Variants in SDK1 observed in about 807,000 individuals in gnomAD.
SDK1 encodes the protein sidekick cell adhesion molecule 1.
Under a neutral mutation model 245.5 loss-of-function variants are expected in SDK1, and 157 were observed. The observed-to-expected ratio is 0.64, with a 90% CI of 0.56 to 0.73. SDK1 has a LOEUF of 0.73. Ranked by LOEUF, SDK1 falls within the 30% of genes least tolerant of loss-of-function variation. The pLI is 0.00. For missense variants in SDK1, 3,583 were observed against 3,002.3 expected (o/e 1.19, Z -4.52); for synonymous variants, 1,647 against 1,278.5 (o/e 1.29, Z -6.15).
chr7:4,094,963 G>A (rs1180411925), intron 22 of SDK1, among the ~76,000 whole-genome samples: 3 of 152,230 alleles, frequency 2.0e-5, no homozygotes, highest in East Asian at 1.9e-4. Flanking sequence ...ATCTGTGATC[G>A]GTTAAGGAGG....
intron 1 of SDK1, among the ~76,000 whole-genome samples, chr7:3,480,232 C>T (rs1781471955): frequency 6.6e-6 from 1 of 152,130 alleles, no homozygotes; most frequent in Non-Finnish European, 1.5e-5. Flanking sequence ...TTCAGCAGGT[C>T]ATTGCTGGCT....
intron 32 of SDK1, 128 bp downstream of exon 32, chr7:4,161,984 G>A: frequency 1.3e-6 from 1 of 761,746 alleles, no homozygotes; most frequent in Non-Finnish European, 2.2e-6. Context: ...GAACCAAGGA[G>A]ACACACCCTC....
rs568663409 is a variant in SDK1 at position 3,769,520 on chromosome 7, C to T, written c.714-51930C>T. Among the ~76,000 whole-genome samples, 3 of 152,218 alleles carry T rather than the reference C, an allele frequency of 2.0e-5. No homozygotes were observed. The South Asian group carries it at 6.2e-4, about 32-fold the overall frequency. On this transcript the variant is annotated intron_variant, in intron 4 of 44. Coordinates refer to ENST00000404826, the MANE Select transcript of SDK1 (RefSeq NM_152744.4). ...TCAGAGTCCTTATGATCCAATTGCCCCTAAGCTCCCATCTCTCAATACTAT... is the reference window on the plus strand; with the variant it reads ...TCAGAGTCCTTATGATCCAATTGCCTCTAAGCTCCCATCTCTCAATACTAT...
Position 4,161,835 on chromosome 7 carries a change from C to T in SDK1, c.4779C>T (p.Ser1593=). The T allele has an allele frequency of 6.2e-7, 1 of 1,614,130 alleles. No individual in the cohort carries two copies. Among genetic ancestry groups the T allele is most frequent in the Non-Finnish European group, 8.5e-7 (1 of 1,179,972 alleles). Residue 1593 remains serine, a synonymous_variant, in exon 32 of 45, where the codon TCC becomes TCT. Coordinates refer to ENST00000404826, the MANE Select transcript of SDK1 (RefSeq NM_152744.4). ...TCTCAGCGACGCCACACACCACGTCCTCTGTCCTGATACAGTGGCAGGTAA... is the reference window on the plus strand; with the variant it reads ...TCTCAGCGACGCCACACACCACGTCTTCTGTCCTGATACAGTGGCAGGTAA... ...GSVSATPHTT[S]SVLIQWQPPR...
chr7:3,380,272 G>A (rs980531455), intron 1 of SDK1, among the ~76,000 whole-genome samples: 2 of 152,184 alleles, frequency 1.3e-5, no homozygotes, highest in Non-Finnish European at 2.9e-5. Flanking sequence ...CCTGTGATTG[G>A]TGACAAAGCT....
chr7:3,983,754 G>A (rs1229431186), intron 13 of SDK1, among the ~76,000 whole-genome samples: 12 of 152,198 alleles, frequency 7.9e-5, no homozygotes, highest in Admixed American at 7.9e-4. Flanking sequence ...TTCACAGAGG[G>A]GAGAGACTGA....
chr7:3,836,500 G>A (rs1436859559), intron 5 of SDK1, among the ~76,000 whole-genome samples: 1 of 152,206 alleles, frequency 6.6e-6, no homozygotes, highest in East Asian at 1.9e-4. Flanking sequence ...AGGCAGACTG[G>A]TTTCTACTAT....
chr7:3,978,197 A>G (rs1783120884), intron 13 of SDK1, among the ~76,000 whole-genome samples: 1 of 152,048 alleles, frequency 6.6e-6, no homozygotes, highest in African/African-American at 2.4e-5. Flanking sequence ...TAGATCATCC[A>G]TCGTTGGTAT....
At chr7:3,877,096 A>G (rs2115143090) in intron 5 of SDK1, among the ~76,000 whole-genome samples, 1 of 152,292 alleles carries the variant, frequency 6.6e-6, no homozygotes, top group South Asian at 2.1e-4. Flanking sequence ...TAGCTTCAGA[A>G]CCAGAGAGGC....
chr7:3,738,091 C>T (rs1264892849), intron 4 of SDK1, among the ~76,000 whole-genome samples: 1 of 152,226 alleles, frequency 6.6e-6, no homozygotes, highest in Non-Finnish European at 1.5e-5. Flanking sequence ...TGTTGCCTGT[C>T]CTTTTCTTGT....
At chr7:3,519,970 TTTTA>T (rs1284365227) in intron 1 of SDK1, among the ~76,000 whole-genome samples, 2 of 152,174 alleles carry the variant, frequency 1.3e-5, no homozygotes, top group African/African-American at 4.8e-5. Context: ...TTAGGAGTGA[TTTTA>T]TTTGTGCATA....
intron 4 of SDK1, among the ~76,000 whole-genome samples, chr7:3,732,021 AC>A (rs1779194123): frequency 6.6e-6 from 1 of 152,046 alleles, no homozygotes; most frequent in South Asian, 2.1e-4. Context: ...CGATCTCCTG[AC>A]CTCGTGATCC....
chr7:3,704,335 C>T (rs958814117), intron 4 of SDK1, among the ~76,000 whole-genome samples: 1 of 148,112 alleles, frequency 6.8e-6, no homozygotes, highest in African/African-American at 2.5e-5. Context: ...TCGATGGGCA[C>T]TTAGGATGAG....
chr7:3,765,799 G>C lies in SDK1; in HGVS notation c.714-55651G>C, dbSNP rs146238124. ...TTTTTTTAAAAATTCTATGTAAAAG[G>C]CTGGCTGTTTTATCTGGATTCTATT... is the stretch of plus-strand genomic sequence containing the variant. On this transcript the variant is annotated intron_variant, in intron 4 of 44. Coordinates refer to ENST00000404826, the MANE Select transcript of SDK1 (RefSeq NM_152744.4). Among the ~76,000 whole-genome samples, 91 of 152,134 alleles carry C rather than the reference G, an allele frequency of 6.0e-4. No individual in the cohort carries two copies. The Middle Eastern group carries it at 0.01, about 17-fold the overall frequency.
At chr7:4,173,002 G>A (rs1438406089) in intron 32 of SDK1, among the ~76,000 whole-genome samples, 4 of 152,204 alleles carry the variant, frequency 2.6e-5, no homozygotes, top group Non-Finnish European at 4.4e-5. Flanking sequence ...AGACTTGAGC[G>A]TGTCTTTTAG....
intron 4 of SDK1, among the ~76,000 whole-genome samples, chr7:3,793,248 T>G (rs2115026105): frequency 6.6e-6 from 1 of 152,308 alleles, no homozygotes; most frequent in East Asian, 1.9e-4. Context: ...TTTCCAATAT[T>G]AAAAGATCCT....
intron 1 of SDK1, among the ~76,000 whole-genome samples, chr7:3,522,227 C>T (rs1782963541): frequency 1.3e-5 from 2 of 152,070 alleles, no homozygotes; most frequent in Admixed American, 1.3e-4. Context: ...CAGTGCTTCA[C>T]ATACTTTTCA....
chr7:4,167,587 A>T (rs986314978), intron 32 of SDK1, among the ~76,000 whole-genome samples: 9 of 152,142 alleles, frequency 5.9e-5, no homozygotes, highest in African/African-American at 1.7e-4. Context: ...TGACACACAG[A>T]TGAGGTCATG....
At chr7:3,515,979 C>G (rs1302204044) in intron 1 of SDK1, among the ~76,000 whole-genome samples, 3 of 152,050 alleles carry the variant, frequency 2.0e-5, no homozygotes, top group African/African-American at 7.2e-5. Flanking sequence ...CTGCACATGT[C>G]ATTTCTTTGC....
Sources: gnomAD v4.1 joint callset for allele counts (sites outside exome capture counted in the v4.1 genomes callset) on GRCh38, gnomAD v4.1.1 for gene constraint, MANE v1.5 for transcripts, NCBI Gene and HGNC (gene_info 2026-07-23, HGNC 2026-07-21) for gene names.